Variants in KIF20B observed in about 807,000 individuals in gnomAD.
KIF20B encodes the protein kinesin family member 20B.
A neutral mutation model predicts 232.5 loss-of-function variants in KIF20B; 188 were observed. The observed-to-expected ratio is 0.81, with a 90% CI of 0.72 to 0.91. The LOEUF (loss-of-function observed/expected upper bound fraction) is 0.91. Ranked by LOEUF, KIF20B falls within the 40% of genes least tolerant of loss-of-function variation. KIF20B has a pLI of 0.00. For missense variants in KIF20B, 2,154 were observed against 2,055.9 expected, an observed-to-expected ratio of 1.05 and a Z score of -0.92; for synonymous variants, 712 against 683.0, an observed-to-expected ratio of 1.04 and a Z score of -0.66.
intron 1 of KIF20B, among the ~76,000 whole-genome samples, chr10:89,704,316 C>T (rs1009147761): frequency 6.6e-6 from 1 of 152,114 alleles, no homozygotes; most frequent in Non-Finnish European, 1.5e-5. Flanking sequence ...TGGTATTGTA[C>T]ATCTAGTAGA....
chr10:89,747,533 A>G (rs1456962028), intron 23 of KIF20B, among the ~76,000 whole-genome samples: 1 of 150,750 alleles, frequency 6.6e-6, no homozygotes, highest in African/African-American at 2.4e-5. Flanking sequence ...TGGCACATAT[A>G]CACCATGGAA....
chr10:89,722,855 A>G (rs1441705024), intron 13 of KIF20B, among the ~76,000 whole-genome samples: 3 of 152,164 alleles, frequency 2.0e-5, no homozygotes, highest in African/African-American at 7.2e-5. Context: ...TCTCAAATCT[A>G]CCATGAATGT....
At chr10:89,749,142 C>G (rs963920790) in intron 23 of KIF20B, among the ~76,000 whole-genome samples, 1 of 152,176 alleles carries the variant, frequency 6.6e-6, no homozygotes, top group Non-Finnish European at 1.5e-5. Flanking sequence ...GTCTCAGCCA[C>G]TTTGGTAACT....
At chr10:89,705,150 G>A in intron 1 of KIF20B, 144 bp from the exon 2 acceptor site, 1 of 666,512 alleles carries the variant, frequency 1.5e-6, no homozygotes, top group Non-Finnish European at 2.6e-6. Context: ...GTAGGGCATT[G>A]TGTTATAAAT....
chr10:89,767,163 C>CT (rs1240891044), intron 29 of KIF20B, among the ~76,000 whole-genome samples: 1 of 144,608 alleles, frequency 6.9e-6, no homozygotes, highest in East Asian at 2.1e-4. Context: ...ATCCTATTTT[C>CT]TTTTTTTCTT....
Position 89,710,991 on chromosome 10 carries a change from G to T in KIF20B, c.521G>T (p.Arg174Leu). ...GAAGAAAATATTGGCATTCTGCCTC[G>T]AACTTTGAATGTATTATTTGATAGT... ...GTEENIGILP[R>L]TLNVLFDSLQ... is the part of the protein sequence containing the mutation. The change falls in exon 6 of 33, where the codon CGA becomes CTA. Residue 174 changes from arginine to leucine, a missense_variant. Physicochemically the swap from Arg to Leu is moderately radical, Grantham distance 102. Transcript: ENST00000371728. 1 of 1,605,442 alleles carries T rather than the reference G, an allele frequency of 6.2e-7. No homozygotes were observed. Among genetic ancestry groups the T allele is most frequent in the South Asian group, 1.1e-5 (1 of 89,032 alleles).
chr10:89,702,279 T>C (rs1842628431), intron 1 of KIF20B, among the ~76,000 whole-genome samples: 3 of 152,186 alleles, frequency 2.0e-5, no homozygotes, highest in Admixed American at 2.0e-4. Context: ...CTTGCCCTTC[T>C]AGGGTTTTGC....
chr10:89,771,644 T>C (rs752960977), intron 31 of KIF20B, among the ~76,000 whole-genome samples: 17 of 152,006 alleles, frequency 1.1e-4, no homozygotes, highest in Non-Finnish European at 2.5e-4. Flanking sequence ...GGCCTTCTTA[T>C]GGAGGGGAAC....
Position 89,737,615 on chromosome 10 carries a change from A to G in KIF20B, c.2774A>G (p.Lys925Arg). Residue 925 changes from lysine to arginine, a missense_variant, in exon 20 of 33, where the codon AAG becomes AGG. Transcript: ENST00000371728. ...CAGGAACTTTCTCTTTCTGAAAAAA[A>G]GAATTTAACTTTAAGTAAAGAGGTC... ...FQQELSLSEK[K>R]NLTLSKEVQQ... 11 of 1,605,424 alleles carry G rather than the reference A, an allele frequency of 6.9e-6. No individual in the cohort carries two copies. The highest frequency in any genetic ancestry group is 1.3e-5 in the African/African-American group (1 of 74,548).
At chr10:89,717,297 T>C (rs1842954144) in intron 9 of KIF20B, 127 bp from the exon 10 acceptor site, 2 of 602,390 alleles carry the variant, frequency 3.3e-6, no homozygotes, top group South Asian at 5.4e-5. Context: ...TAACAGCTAA[T>C]TGGAAAATGC....
rs548131264 is a variant in KIF20B, at chr10:89,751,665, T to C, written c.4222+194T>C. Reference sequence around the variant, plus strand: ...ATTGTTTCACTAAAATTATATGCAGTAAAGGAGTAAGGACACTGCATGATA... The same window carrying C: ...ATTGTTTCACTAAAATTATATGCAGCAAAGGAGTAAGGACACTGCATGATA... On this transcript the variant is annotated intron_variant, in intron 24 of 32. Transcript: ENST00000371728. 8.5e-3 allele frequency among the ~76,000 whole-genome samples: 1,093 copies of C among 127,884 alleles called. 16 individuals are homozygous for C. The highest frequency in any genetic ancestry group is 0.034 in the African/African-American group (1,041 of 30,690). The allele number at this position is 127,884 out of a possible 152,430, so 83.9% of individuals were successfully genotyped here. A position where few individuals can be genotyped will look rare whatever the true frequency, so the allele number is the denominator to read the frequency against.
chr10:89,769,303 T>C (rs2017527), intron 31 of KIF20B, among the ~76,000 whole-genome samples: 46,860 of 151,744 alleles, frequency 0.31, 8,147 homozygotes, highest in African/African-American at 0.46. Flanking sequence ...GGGTTCTTAG[T>C]TTCTGTTTTT....
At chr10:89,721,484 C>T (rs1843055235) in intron 13 of KIF20B, among the ~76,000 whole-genome samples, 1 of 152,006 alleles carries the variant, frequency 6.6e-6, no homozygotes, top group South Asian at 2.1e-4. Flanking sequence ...CTAGCCTGGG[C>T]AACATAGTGA....
At chr10:89,741,818 T>A (rs1036894265) in intron 21 of KIF20B, among the ~76,000 whole-genome samples, 1 of 152,214 alleles carries the variant, frequency 6.6e-6, no homozygotes, top group Non-Finnish European at 1.5e-5. Context: ...GTTAGAATTA[T>A]CCCTTTGCCT....
At chr10:89,761,630 T>C (rs1263677233) in intron 28 of KIF20B, among the ~76,000 whole-genome samples, 1 of 152,160 alleles carries the variant, frequency 6.6e-6, no homozygotes, top group African/African-American at 2.4e-5. Flanking sequence ...CATTTTAATC[T>C]GGGAAAATAA....
Position 89,733,000 on chromosome 10 carries a change from A to C in KIF20B, c.2489A>C (p.Glu830Ala), listed in dbSNP as rs1297694740. The C allele has an allele frequency of 6.2e-7, 1 of 1,613,710 alleles. No homozygotes were observed. ...PKDSKSKICS[E>A]RKRVNENELQ... ...GACAGCAAATCTAAAATCTGTTCAG[A>C]AAGAAAAAGAGTAAATGAAAATGAA... Residue 830 changes from glutamate (E) to alanine (A), a missense_variant, in exon 19 of 33, where the codon GAA (glutamate) becomes GCA (alanine). Coordinates refer to ENST00000371728, the MANE Select transcript of KIF20B (RefSeq NM_001284259.2).
In KIF20B at chr10:89,710,990, C is replaced by T. The variant is rs200997811; in HGVS notation, c.520C>T (p.Arg174Ter). The T allele has an allele frequency of 2.1e-5, 34 of 1,605,848 alleles. No homozygotes were observed. In the Admixed American group the frequency reaches 3.1e-4, roughly 15 times the overall value. ...GTEENIGILP[R>*]TLNVLFDSLQ... Reference sequence around the variant, plus strand: ...AGAAGAAAATATTGGCATTCTGCCTCGAACTTTGAATGTATTATTTGATAG... The same window carrying T: ...AGAAGAAAATATTGGCATTCTGCCTTGAACTTTGAATGTATTATTTGATAG... The change falls in exon 6 of 33, where the codon CGA (arginine) becomes TGA (stop). Residue 174 changes from arginine (R) to a stop codon, truncating the protein, a stop_gained. Coordinates refer to ENST00000371728, the MANE Select transcript of KIF20B (RefSeq NM_001284259.2). LOFTEE classifies it high-confidence loss of function.
chr10:89,722,529 C>T (rs556238825), intron 13 of KIF20B, among the ~76,000 whole-genome samples: 2 of 152,106 alleles, frequency 1.3e-5, no homozygotes, highest in South Asian at 2.1e-4. Context: ...ATTAGCCAGG[C>T]GTGGTTTCTG....
chr10:89,711,990 A>C (rs979747147), intron 6 of KIF20B, among the ~76,000 whole-genome samples: 1 of 152,150 alleles, frequency 6.6e-6, no homozygotes, highest in South Asian at 2.1e-4. Flanking sequence ...CTGGTTTGAT[A>C]GGTGAAAAAT....
Sources: gnomAD v4.1 joint callset for allele counts (sites outside exome capture counted in the v4.1 genomes callset) on GRCh38, gnomAD v4.1.1 for gene constraint, MANE v1.5 for transcripts, NCBI Gene and HGNC (gene_info 2026-07-23, HGNC 2026-07-21) for gene names.